EPB41: variants seen among roughly 807,000 people sequenced by gnomAD.
The protein encoded by EPB41 is protein 4.1.
Under a neutral mutation model 108.0 loss-of-function variants are expected in EPB41, and 65 were observed. That is an observed-to-expected ratio of 0.60 (90% confidence interval 0.49 to 0.74). EPB41 has a LOEUF of 0.74. EPB41 is among the 30% of genes least tolerant of loss of function. The pLI, the probability that EPB41 is intolerant of heterozygous loss-of-function variation, is 0.00. For missense variants in EPB41, 875 were observed against 1,037.0 expected (o/e 0.84, Z 2.15); for synonymous variants, 336 against 358.9 (o/e 0.94, Z 0.72).
At chr1:29,075,880 C>G (rs1333224973) in intron 16 of EPB41, among the ~76,000 whole-genome samples, 1 of 152,194 alleles carries the variant, frequency 6.6e-6, no homozygotes, top group Non-Finnish European at 1.5e-5. Flanking sequence ...CAATTCCTCT[C>G]TCTTCCAGTG....
chr1:28,915,552 C>A (rs2092570143), intron 1 of EPB41, among the ~76,000 whole-genome samples: 2 of 152,082 alleles, frequency 1.3e-5, no homozygotes, highest in Non-Finnish European at 2.9e-5. Flanking sequence ...AGTGATCTCA[C>A]GTGAAACAGA....
chr1:29,036,254 ATTT>A (rs71022387), intron 10 of EPB41, among the ~76,000 whole-genome samples: 10 of 106,348 alleles, frequency 9.4e-5, no homozygotes, highest in Admixed American at 1.1e-4. Flanking sequence ...TCCACGTGTG[ATTT>A]TTTTTTTTTT....
intron 4 of EPB41, among the ~76,000 whole-genome samples, chr1:29,011,479 T>C (rs1302823063): frequency 6.6e-6 from 1 of 152,244 alleles, no homozygotes; most frequent in East Asian, 1.9e-4. Flanking sequence ...TACTAGTCTT[T>C]ATAGAATAAT....
At chr1:29,103,834 A>AT (rs1351085214) in intron 17 of EPB41, among the ~76,000 whole-genome samples, 1 of 152,026 alleles carries the variant, frequency 6.6e-6, no homozygotes, top group Non-Finnish European at 1.5e-5. Flanking sequence ...TGCCCGGCTA[A>AT]TTTTTTTATT....
At chr1:29,064,960 A>C in intron 15 of EPB41, 22 bp from the exon 16 acceptor site, 1 of 1,613,528 alleles carries the variant, frequency 6.2e-7, no homozygotes, top group Non-Finnish European at 8.5e-7. Context: ...ATTGTTTTGC[A>C]TCTTTGTCCT....
chr1:29,043,293 T>G (rs1221087333), intron 11 of EPB41, among the ~76,000 whole-genome samples: 1 of 152,162 alleles, frequency 6.6e-6, no homozygotes, highest in Non-Finnish European at 1.5e-5. Context: ...GAGACCTGAA[T>G]TATGTGAAGG....
intron 1 of EPB41, among the ~76,000 whole-genome samples, chr1:28,985,136 G>A (rs2095845681): frequency 6.6e-6 from 1 of 151,596 alleles, no homozygotes; most frequent in Non-Finnish European, 1.5e-5. Context: ...GCTAATTTTT[G>A]TATTTTTAGT....
intron 19 of EPB41, among the ~76,000 whole-genome samples, chr1:29,112,914 C>T (rs556122151): frequency 6.6e-5 from 10 of 152,150 alleles, no homozygotes; most frequent in South Asian, 4.1e-4. Context: ...GGGAAGCATG[C>T]CCCTACCCTT....
At chr1:29,074,760 T>C (rs185209385) in intron 16 of EPB41, among the ~76,000 whole-genome samples, 1 of 152,348 alleles carries the variant, frequency 6.6e-6, no homozygotes, top group East Asian at 1.9e-4. Context: ...AAGTAGTTTG[T>C]TCCCACATAT....
intron 1 of EPB41, among the ~76,000 whole-genome samples, chr1:28,957,008 AG>A (rs2094976921): frequency 2.0e-5 from 3 of 152,260 alleles, no homozygotes; most frequent in South Asian, 4.1e-4. Flanking sequence ...CAAGACATGA[AG>A]AAAACATTAA....
intron 1 of EPB41, among the ~76,000 whole-genome samples, chr1:28,967,928 C>T (rs1353381926): frequency 6.6e-6 from 1 of 151,944 alleles, no homozygotes; most frequent in African/African-American, 2.4e-5. Flanking sequence ...CCTCAACCTC[C>T]TGAATAGCTG....
At chr1:29,016,637 C>G (rs1393672146) in intron 6 of EPB41, among the ~76,000 whole-genome samples, 2 of 152,202 alleles carry the variant, frequency 1.3e-5, no homozygotes, top group East Asian at 3.9e-4. Context: ...AAATCCTGCG[C>G]TCTTTAAAAA....
chr1:29,068,748 G>A (rs2151071362), intron 16 of EPB41: 2 of 1,232,106 alleles, frequency 1.6e-6, no homozygotes, highest in Non-Finnish European at 2.0e-6. Context: ...GAAAACTTCT[G>A]TCCTACCCTC....
intron 1 of EPB41, among the ~76,000 whole-genome samples, chr1:28,895,211 T>A (rs1225760383): frequency 6.6e-6 from 1 of 152,158 alleles, no homozygotes; most frequent in Non-Finnish European, 1.5e-5. Context: ...CCCTGAAGAA[T>A]TACATCCCAC....
At chr1:29,032,171 T>C (rs2096798880) in intron 8 of EPB41, among the ~76,000 whole-genome samples, 1 of 151,956 alleles carries the variant, frequency 6.6e-6, no homozygotes. Context: ...TATGAATCTC[T>C]AAAGTATATT....
intron 12 of EPB41, among the ~76,000 whole-genome samples, chr1:29,056,214 A>G (rs1294310961): frequency 6.7e-6 from 1 of 150,238 alleles, no homozygotes; most frequent in East Asian, 2.0e-4. Context: ...AGCCTGGGTG[A>G]CAGAACGAGA....
At chr1:29,105,053 T>C (rs1260404410) in intron 17 of EPB41, among the ~76,000 whole-genome samples, 1 of 152,118 alleles carries the variant, frequency 6.6e-6, no homozygotes, top group Non-Finnish European at 1.5e-5. Context: ...TGGCTATACA[T>C]GTGTAACCAA....
At chr1:28,996,594 T>C (rs1258073234) in intron 3 of EPB41, among the ~76,000 whole-genome samples, 2 of 152,158 alleles carry the variant, frequency 1.3e-5, no homozygotes, top group African/African-American at 4.8e-5. Context: ...AAGAATGTGA[T>C]GTGTAGGATG....
chr1:29,113,907 G>T (rs754676206), intron 19 of EPB41, among the ~76,000 whole-genome samples: 4 of 152,138 alleles, frequency 2.6e-5, no homozygotes, highest in Non-Finnish European at 4.4e-5. Context: ...GGAGCAGCAG[G>T]TTTCATAGAG....
Sources: allele counts gnomAD v4.1 joint callset (sites outside exome capture counted in the v4.1 genomes callset), GRCh38; gene constraint gnomAD v4.1.1; transcripts MANE v1.5; gene names NCBI Gene and HGNC (gene_info 2026-07-23, HGNC 2026-07-21).